GFRA2: variants seen among roughly 807,000 people sequenced by gnomAD.
The protein encoded by GFRA2 is GDNF family receptor alpha-2.
GFRA2 carries 17 observed loss-of-function variants against 48.3 expected under a neutral mutation model. The observed-to-expected ratio is 0.35, with a 90% confidence interval of 0.24 to 0.53. The LOEUF is 0.53. Among genes scored for constraint, GFRA2 ranks in the 20% least tolerant of loss-of-function variants. GFRA2 has a pLI of 0.93. For synonymous variants in GFRA2, 305 were observed against 257.2 expected (o/e 1.19, Z -1.78); for missense variants, 660 against 637.3 (o/e 1.04, Z -0.38).
At chr8:21,795,838 C>T (rs1430521078) in intron 2 of GFRA2, among the ~76,000 whole-genome samples, 3 of 152,180 alleles carry the variant, frequency 2.0e-5, no homozygotes, top group African/African-American at 4.8e-5. Flanking sequence ...AGGCATCCAC[C>T]TACTACAGGC....
intron 4 of GFRA2, among the ~76,000 whole-genome samples, chr8:21,747,959 C>T (rs1265733544): frequency 6.6e-6 from 1 of 152,072 alleles, no homozygotes; most frequent in East Asian, 1.9e-4. Context: ...CTTCCTTTGC[C>T]CCTCCCTTAA....
At chr8:21,761,483 T>C (rs1450695967) in intron 3 of GFRA2, among the ~76,000 whole-genome samples, 2 of 152,206 alleles carry the variant, frequency 1.3e-5, no homozygotes, top group Non-Finnish European at 1.5e-5. Context: ...AGAGCAAGTG[T>C]GCACAGGTTA....
chr8:21,694,816 C>T (rs952870692), intron 7 of GFRA2, among the ~76,000 whole-genome samples: 2 of 152,238 alleles, frequency 1.3e-5, no homozygotes, highest in African/African-American at 4.8e-5. Context: ...ATACTCAGCG[C>T]AACTCTTGGG....
intron 2 of GFRA2, among the ~76,000 whole-genome samples, chr8:21,802,646 C>T (rs375765140): frequency 6.6e-6 from 1 of 152,116 alleles, no homozygotes; most frequent in South Asian, 2.1e-4. Context: ...TGAGCCCCCA[C>T]GCCTGGCCTT....
intron 3 of GFRA2, among the ~76,000 whole-genome samples, chr8:21,759,437 G>A (rs896045520): frequency 1.1e-5 from 1 of 87,798 alleles, no homozygotes; most frequent in Non-Finnish European, 2.2e-5. Flanking sequence ...AGGGAAAGAG[G>A]GAGGGAGAGA....
At chr8:21,708,545 C>T (rs1221189916) in intron 4 of GFRA2, among the ~76,000 whole-genome samples, 1 of 152,128 alleles carries the variant, frequency 6.6e-6, no homozygotes, top group Non-Finnish European at 1.5e-5. Context: ...ATCCCCAGGA[C>T]CTATAAACAT....
At position 21,757,498 on chromosome 8, in the gene GFRA2, C is replaced by T. The variant is rs190232884; in HGVS notation, c.440-6556G>A. Among the ~76,000 whole-genome samples the T allele has an allele frequency of 1.2e-3, 160 of 135,732 alleles. 1 individual carries two copies. Among genetic ancestry groups the T allele is most frequent in the Non-Finnish European group, 2.0e-3 (126 of 63,802 alleles). 89.0% of individuals were successfully genotyped at this position (135,732 alleles called of 152,430 possible). A position where few individuals can be genotyped will look rare whatever the true frequency, so the allele number is the denominator to read the frequency against. On this transcript the variant is annotated intron_variant, in intron 3 of 8. Coordinates refer to ENST00000524240, the MANE Select transcript of GFRA2 (RefSeq NM_001495.5). Reference sequence around the variant, plus strand: ...GTTTAATTGATTTTTTCTTTAAATTCCTTAATCCTTTTTTTTGAATGGAGT... The same window carrying T: ...GTTTAATTGATTTTTTCTTTAAATTTCTTAATCCTTTTTTTTGAATGGAGT...
chr8:21,750,689 C>A lies in GFRA2; in HGVS notation c.693G>T (p.Glu231Asp). ...FCSCQDQACAERRRQTILPSC... is the reference protein window; with the variant it reads ...FCSCQDQACADRRRQTILPSC... ...TGGGCAGGATGGTTTGCCGGCGGCG[C>A]TCAGCGCACGCCTGGTCTTGGCAGG... Residue 231 changes from glutamate (E) to aspartate (D), a missense_variant, in exon 4 of 9, where the codon GAG becomes GAT. By Grantham distance (45) the Glu-to-Asp change is conservative. Coordinates refer to ENST00000524240, the MANE Select transcript of GFRA2 (RefSeq NM_001495.5). This position sits in a 1 kb window ranked among gnomAD's most constrained non-coding sequence, Gnocchi z 5.7. The A allele has an allele frequency of 1.9e-6, 3 of 1,613,898 alleles. No homozygotes were observed. Among genetic ancestry groups the A allele is most frequent in the Non-Finnish European group, 2.5e-6 (3 of 1,179,802 alleles).
At chr8:21,755,643 C>T (rs920710472) in intron 3 of GFRA2, among the ~76,000 whole-genome samples, 2 of 140,286 alleles carry the variant, frequency 1.4e-5, no homozygotes, top group African/African-American at 5.4e-5. Flanking sequence ...TTGGTGGGGG[C>T]CGGGGGAGGG....
chr8:21,808,354 T>C (rs927901308), intron 1 of GFRA2, among the ~76,000 whole-genome samples: 1 of 152,238 alleles, frequency 6.6e-6, no homozygotes, highest in Non-Finnish European at 1.5e-5. Flanking sequence ...TGCATTTGCA[T>C]AGCAATTTTT....
chr8:21,718,863 T>C (rs1034763637), intron 4 of GFRA2, among the ~76,000 whole-genome samples: 1 of 152,180 alleles, frequency 6.6e-6, no homozygotes, highest in Non-Finnish European at 1.5e-5. Context: ...GTGGGTTTTC[T>C]GGTTTTTCCC....
chr8:21,739,806 G>T lies in GFRA2; in HGVS notation c.794+10782C>A, dbSNP rs1344496347. On this transcript the variant is annotated intron_variant, in intron 4 of 8. Coordinates refer to ENST00000524240, the MANE Select transcript of GFRA2 (RefSeq NM_001495.5). ...CCCTGCACTGTTCAAACACCTCCTC[G>T]AGGAGGAAGATTGAAAGCCGAAAAG... Among the ~76,000 whole-genome samples, 4 of 152,192 alleles carry T rather than the reference G, an allele frequency of 2.6e-5. 1 individual carries two copies. In the South Asian group the frequency reaches 6.2e-4, roughly 24 times the overall value.
intron 3 of GFRA2, among the ~76,000 whole-genome samples, chr8:21,761,381 T>A (rs990594362): frequency 2.6e-5 from 4 of 152,214 alleles, no homozygotes; most frequent in Non-Finnish European, 5.9e-5. Flanking sequence ...GATGGAAACT[T>A]TCCCCTTTGG....
chr8:21,757,324 G>T (rs554059860), intron 3 of GFRA2, among the ~76,000 whole-genome samples: 1 of 152,270 alleles, frequency 6.6e-6, no homozygotes. Context: ...CCAGACACTG[G>T]AAGCCCCCAC....
chr8:21,779,039 T>C (rs1197074865), intron 2 of GFRA2, among the ~76,000 whole-genome samples: 2 of 140,868 alleles, frequency 1.4e-5, no homozygotes, highest in East Asian at 2.1e-4. Context: ...CATCTCTACT[T>C]AAAAAAAAAA....
At position 21,702,862 on chromosome 8, in the gene GFRA2, G is replaced by A; in HGVS notation, c.1161C>T (p.Asp387=). The change falls in exon 7 of 9, where the codon GAC becomes GAT. Residue 387 remains aspartate, a synonymous_variant. Coordinates refer to ENST00000524240, the MANE Select transcript of GFRA2 (RefSeq NM_001495.5). ...RVEKTPSLPD[D]LSDSTSLGTS... is the part of the protein sequence containing the mutation. Reference sequence around the variant, plus strand: ...TCCCCAAGCTGGTACTGTCACTGAGGTCATCTGGCAAAGAAGGCGTCTTCT... The same window carrying A: ...TCCCCAAGCTGGTACTGTCACTGAGATCATCTGGCAAAGAAGGCGTCTTCT... The A allele has an allele frequency of 1.2e-6, 2 of 1,610,276 alleles. No homozygotes were observed. Among genetic ancestry groups the A allele is most frequent in the South Asian group, 1.1e-5 (1 of 90,892 alleles).
chr8:21,711,393 C>A (rs968323300), intron 4 of GFRA2, among the ~76,000 whole-genome samples: 1 of 152,190 alleles, frequency 6.6e-6, no homozygotes, highest in Non-Finnish European at 1.5e-5. Flanking sequence ...AAGTCCATCT[C>A]GGCTGAGACC....
At chr8:21,711,953 C>T (rs1227934927) in intron 4 of GFRA2, among the ~76,000 whole-genome samples, 1 of 152,196 alleles carries the variant, frequency 6.6e-6, no homozygotes, top group African/African-American at 2.4e-5. Context: ...ATCCATTTAA[C>T]CCTGAGTGGA....
At chr8:21,741,056 C>G (rs544497622) in intron 4 of GFRA2, among the ~76,000 whole-genome samples, 10 of 152,334 alleles carry the variant, frequency 6.6e-5, no homozygotes, top group South Asian at 6.2e-4. Flanking sequence ...CTCGCCTCCT[C>G]CCTTAATTCT....
Sources: gnomAD v4.1 joint callset for allele counts (sites outside exome capture counted in the v4.1 genomes callset) on GRCh38, gnomAD v4.1.1 for gene constraint, Gnocchi (gnomAD v3.1) non-coding constraint, MANE v1.5 for transcripts, NCBI Gene and HGNC (gene_info 2026-07-23, HGNC 2026-07-21) for gene names.